The following PUDP variants were observed in gnomAD, a reference collection of about 807,000 sequenced individuals.
The protein encoded by PUDP is pseudouridine 5'-phosphatase, also known as pseudouridine-5'-phosphatase.
PUDP carries 8 observed loss-of-function variants against 9.4 expected under a neutral mutation model. The ratio of observed to expected loss-of-function variants is 0.85; its 90% CI spans 0.50 to 1.53. The LOEUF (loss-of-function observed/expected upper bound fraction) is 1.53. PUDP is among the 40% of genes most tolerant of loss of function. The probability of loss-of-function intolerance (pLI) is 0.00; values close to 1 mark genes in which losing one functional copy is unlikely to be tolerated. For synonymous variants in PUDP, 99 were observed against 80.7 expected, an observed-to-expected ratio of 1.23 and a Z score of -1.22; for missense variants, 188 against 189.7, an observed-to-expected ratio of 0.99 and a Z score of 0.05.
At chrX:6,887,164 T>C (rs1927440326) in intron 3 of PUDP, among the ~76,000 whole-genome samples, 2 of 102,118 alleles carry the variant, frequency 2.0e-5, no homozygotes, top group Admixed American at 1.1e-4. Flanking sequence ...ATTTAATTTA[T>C]TTATAATTAA....
chrX:6,871,943 T>A (rs1463828580), intron 3 of PUDP, among the ~76,000 whole-genome samples: 1 of 111,776 alleles, frequency 8.9e-6, no homozygotes, highest in African/African-American at 3.3e-5. Context: ...AGTCCAAAAT[T>A]AAGGCACCAG....
intron 3 of PUDP, among the ~76,000 whole-genome samples, chrX:6,865,390 C>T (rs6529990): frequency 9.0e-6 from 1 of 111,301 alleles, no homozygotes; most frequent in Non-Finnish European, 1.9e-5. Context: ...CATTCAGAGA[C>T]TTGCAACTGT....
At chrX:7,135,594 A>G (rs1440946606) in intron 1 of PUDP, among the ~76,000 whole-genome samples, 5 of 112,189 alleles carry the variant, frequency 4.5e-5, no homozygotes, top group Non-Finnish European at 7.5e-5. Context: ...AGGTTCTGAA[A>G]CTATTTCTTC....
intron 3 of PUDP, among the ~76,000 whole-genome samples, chrX:6,962,567 TAC>T (rs1168789005): frequency 1.8e-5 from 2 of 112,400 alleles, no homozygotes; most frequent in Admixed American, 9.5e-5. Context: ...TCTAAGTAAT[TAC>T]AGTCTCTTCA....
intron 3 of PUDP, among the ~76,000 whole-genome samples, chrX:6,927,820 G>C (rs924343977): frequency 1.8e-5 from 2 of 111,272 alleles, no homozygotes; most frequent in Non-Finnish European, 3.8e-5. Context: ...TGGTGGGCTG[G>C]GGGAGAAGAG....
At chrX:6,808,075 A>G (rs888616303) in intron 3 of PUDP, among the ~76,000 whole-genome samples, 1 of 111,626 alleles carries the variant, frequency 9.0e-6, no homozygotes, top group Admixed American at 9.6e-5. Context: ...AGAGAAAATG[A>G]TTTTAGAGTT....
intron 1 of PUDP, among the ~76,000 whole-genome samples, chrX:6,997,183 T>C (rs1347161227): frequency 1.4e-4 from 16 of 112,433 alleles, no homozygotes; most frequent in African/African-American, 4.8e-4. Context: ...ATACTTGTCA[T>C]ATATGCTAGC....
chrX:7,090,229 T>TA (rs1380781114), intron 2 of PUDP, among the ~76,000 whole-genome samples: 5 of 111,066 alleles, frequency 4.5e-5, no homozygotes, highest in South Asian at 7.5e-4. Context: ...ATATATACTA[T>TA]ATAATAACTC....
At position 7,054,586 on chromosome X, in the gene PUDP, A is replaced by G. The variant is rs146293102; in HGVS notation, c.511-4114T>C. On this transcript the variant is annotated intron_variant, in intron 3 of 3. Transcript: ENST00000381077. ...TCCAGCACAAGACCCTTGCAAAGTTAACTATTCTAAAAGGTCAAAAGTAAG... is the reference window on the plus strand; with the variant it reads ...TCCAGCACAAGACCCTTGCAAAGTTGACTATTCTAAAAGGTCAAAAGTAAG... Among the ~76,000 whole-genome samples the G allele has an allele frequency of 5.2e-3, 577 of 111,305 alleles. 2 individuals are homozygous for G. Among genetic ancestry groups the G allele is most frequent in the African/African-American group, 0.018 (543 of 30,608 alleles).
At position 6,735,878 on chromosome X, in the gene PUDP, T is replaced by TA. The variant is rs1206148529; in HGVS notation, c.*248-29413dup. On this transcript the variant is annotated intron_variant and NMD_transcript_variant, in intron 3 of 3. Coordinates refer to the PUDP transcript ENST00000655425. ...GTAGGACCTCATCTCTACTAAAAAT[T>TA]AAAAAAAAAAATTAGTTGGGCAGGG... is the stretch of plus-strand genomic sequence containing the variant. Among the ~76,000 whole-genome samples, 955 of 104,993 alleles carry TA rather than the reference T, an allele frequency of 9.1e-3. 7 individuals carry two copies. Among genetic ancestry groups the TA allele is most frequent in the African/African-American group, 0.03 (860 of 28,941 alleles). 91.2% of individuals were successfully genotyped at this position (104,993 alleles called of 115,157 possible).
intron 3 of PUDP, among the ~76,000 whole-genome samples, chrX:6,770,528 G>T (rs781186282): frequency 9.0e-6 from 1 of 111,377 alleles, no homozygotes; most frequent in South Asian, 3.8e-4. Flanking sequence ...CTTTGTGATG[G>T]ATCCATGACC....
intron 3 of PUDP, among the ~76,000 whole-genome samples, chrX:6,890,935 CAAAAAAAAAA>C (rs764486249): frequency 0.025 from 820 of 33,128 alleles, 10 homozygotes; most frequent in South Asian, 0.076. Flanking sequence ...CTCATCTCTC[CAAAAAAAAAA>C]AAAAAAAAAA....
chrX:6,756,078 T>A (rs760191472), intron 3 of PUDP, among the ~76,000 whole-genome samples: 1 of 110,082 alleles, frequency 9.1e-6, no homozygotes, highest in Non-Finnish European at 1.9e-5. Flanking sequence ...GAGAAAGAGA[T>A]TCCCCATAAA....
At chrX:7,020,081 G>A (rs907582024) in intron 1 of PUDP, among the ~76,000 whole-genome samples, 7 of 110,343 alleles carry the variant, frequency 6.3e-5, no homozygotes, top group Admixed American at 4.8e-4. Flanking sequence ...GTTTGTGGAC[G>A]TCTGACATGC....
intron 3 of PUDP, among the ~76,000 whole-genome samples, chrX:7,051,884 A>C (rs963750087): frequency 8.9e-6 from 1 of 112,600 alleles, no homozygotes; most frequent in East Asian, 2.8e-4. Flanking sequence ...GACATCTGTA[A>C]GGGAAGAGAG....
intron 3 of PUDP, among the ~76,000 whole-genome samples, chrX:6,864,647 T>C (rs749988762): frequency 3.6e-5 from 4 of 112,004 alleles, no homozygotes; most frequent in Non-Finnish European, 7.5e-5. Flanking sequence ...AGACGTTCAT[T>C]CTGGAGGCTC....
Position 6,837,107 on chromosome X carries a change from T to C in PUDP, c.*248-130641A>G, listed in dbSNP as rs1172136711. ...CAGTGTCCTTGTTTCAACAGGAACA[T>C]GCATAAGGGAATATGGAATTGAGTC... On this transcript the variant is annotated intron_variant and NMD_transcript_variant, in intron 3 of 3. Transcript: ENST00000655425. Among the ~76,000 whole-genome samples, 7 of 112,415 alleles carry C rather than the reference T, an allele frequency of 6.2e-5. No individual in the cohort carries two copies. In the Admixed American group the frequency reaches 6.6e-4, roughly 11 times the overall value.
chrX:6,708,294 C>T (rs751987601), intron 1 of PUDP, among the ~76,000 whole-genome samples: 1 of 111,434 alleles, frequency 9.0e-6, no homozygotes, highest in African/African-American at 3.3e-5. Context: ...GTGAGAAGGG[C>T]TGTGTTGAGA....
chrX:6,901,804 A>T (rs1408828053), intron 3 of PUDP, among the ~76,000 whole-genome samples: 1 of 112,722 alleles, frequency 8.9e-6, no homozygotes, highest in African/African-American at 3.2e-5. Flanking sequence ...ATAATTTTTT[A>T]AATTCCAGGA....
Sources: gnomAD v4.1 joint callset for allele counts (sites outside exome capture counted in the v4.1 genomes callset) on GRCh38, gnomAD v4.1.1 for gene constraint, MANE v1.5 for transcripts, NCBI Gene and HGNC (gene_info 2026-07-23, HGNC 2026-07-21) for gene names.